The following SGCD variants were observed in gnomAD, a reference collection of about 807,000 sequenced individuals.
SGCD encodes sarcoglycan delta, also known as delta-sarcoglycan.
In SGCD, 18 loss-of-function variants were observed where a neutral mutation model predicts 36.6. The ratio of observed to expected loss-of-function variants is 0.49; its 90% CI spans 0.34 to 0.73. The LOEUF is 0.73. Ranked by LOEUF, SGCD falls within the 30% of genes least tolerant of loss-of-function variation. The pLI is 0.01. For missense variants in SGCD, 387 were observed against 346.7 expected, an observed-to-expected ratio of 1.12 and a Z score of -0.92; for synonymous variants, 133 against 130.6, an observed-to-expected ratio of 1.02 and a Z score of -0.12.
chr5:156,357,209 T>C (rs1769537602), intron 3 of SGCD, among the ~76,000 whole-genome samples: 1 of 152,148 alleles, frequency 6.6e-6, no homozygotes, highest in Non-Finnish European at 1.5e-5. Context: ...CCTGGCTTTG[T>C]TTTCTCTTAC....
At chr5:155,942,523 C>T (rs1757349762) in intron 1 of SGCD, among the ~76,000 whole-genome samples, 1 of 152,110 alleles carries the variant, frequency 6.6e-6, no homozygotes, top group Non-Finnish European at 1.5e-5. Context: ...CCCAATTCTT[C>T]ATATAAACTC....
At chr5:156,269,423 T>A (rs1167720736) in intron 3 of SGCD, among the ~76,000 whole-genome samples, 1 of 118,370 alleles carries the variant, frequency 8.4e-6, no homozygotes, top group African/African-American at 3.2e-5. Context: ...TGAGCCAAGA[T>A]CATGCCATTG....
intron 1 of SGCD, among the ~76,000 whole-genome samples, chr5:155,955,340 G>C (rs112943097): frequency 1.2e-3 from 187 of 152,248 alleles, no homozygotes; most frequent in Non-Finnish European, 2.1e-3. Context: ...GGCTGGACTA[G>C]AGTAAGTGCT....
intron 6 of SGCD, among the ~76,000 whole-genome samples, chr5:156,638,544 A>G (rs1762916387): frequency 6.6e-6 from 1 of 152,160 alleles, no homozygotes; most frequent in Non-Finnish European, 1.5e-5. Context: ...TGCCTATACT[A>G]TCCTTACCTA....
intron 3 of SGCD, among the ~76,000 whole-genome samples, chr5:156,381,736 A>G (rs372971889): frequency 1.3e-5 from 2 of 152,174 alleles, no homozygotes; most frequent in African/African-American, 4.8e-5. Flanking sequence ...GGTTTGGTAC[A>G]CAGCAGAAAG....
chr5:156,499,062 G>T (rs1055118274), intron 3 of SGCD, among the ~76,000 whole-genome samples: 1 of 152,050 alleles, frequency 6.6e-6, no homozygotes, highest in East Asian at 1.9e-4. Flanking sequence ...ACAGGGCTGG[G>T]CACACAGTAG....
At chr5:156,384,902 C>G (rs965936593) in intron 3 of SGCD, among the ~76,000 whole-genome samples, 29 of 152,136 alleles carry the variant, frequency 1.9e-4, no homozygotes, top group Admixed American at 1.9e-3. Flanking sequence ...CCAAGGTGAA[C>G]CTGCAGTTCT....
intron 1 of SGCD, among the ~76,000 whole-genome samples, chr5:156,103,355 C>A (rs1276463022): frequency 4.3e-5 from 2 of 46,868 alleles, no homozygotes; most frequent in East Asian, 5.8e-4. Flanking sequence ...TTTGACATTA[C>A]AAGACATTAC....
intron 1 of SGCD, among the ~76,000 whole-genome samples, chr5:155,879,926 A>T (rs898063895): frequency 6.6e-6 from 1 of 152,162 alleles, no homozygotes; most frequent in African/African-American, 2.4e-5. Flanking sequence ...CTTTATAGTA[A>T]GAAAGACAAA....
intron 6 of SGCD, among the ~76,000 whole-genome samples, chr5:156,636,703 G>C (rs1762837383): frequency 6.6e-6 from 1 of 152,176 alleles, no homozygotes; most frequent in Non-Finnish European, 1.5e-5. Flanking sequence ...GGAAAACCCA[G>C]CCCCACTCAG....
chr5:156,650,292 G>T (rs1385238174), intron 7 of SGCD, among the ~76,000 whole-genome samples: 1 of 152,086 alleles, frequency 6.6e-6, no homozygotes, highest in Non-Finnish European at 1.5e-5. Flanking sequence ...TTCTTCAAAA[G>T]TTATAGGTAT....
intron 4 of SGCD, among the ~76,000 whole-genome samples, chr5:156,585,132 T>C (rs1213610591): frequency 6.6e-6 from 1 of 152,152 alleles, no homozygotes; most frequent in African/African-American, 2.4e-5. Flanking sequence ...ATAGGAATGC[T>C]ACAATGGGAA....
chr5:156,146,085 C>T (rs6888987), intron 3 of SGCD, among the ~76,000 whole-genome samples: 4,363 of 151,984 alleles, frequency 0.029, 220 homozygotes, highest in African/African-American at 0.098. Context: ...TAGTTGTGGG[C>T]GCCTGTAGTC....
At chr5:156,476,128 GACA>G (rs1241728363) in intron 3 of SGCD, among the ~76,000 whole-genome samples, 1 of 152,124 alleles carries the variant, frequency 6.6e-6, no homozygotes, top group Non-Finnish European at 1.5e-5. Flanking sequence ...CCAAGAACTG[GACA>G]ACATCTAAGT....
At chr5:156,595,857 A>G (rs981466232) in intron 6 of SGCD, among the ~76,000 whole-genome samples, 1 of 152,204 alleles carries the variant, frequency 6.6e-6, no homozygotes, top group Non-Finnish European at 1.5e-5. Context: ...TATTTGCAGA[A>G]ATTTCTATGA....
chr5:156,257,504 T>C (rs1765745288), intron 3 of SGCD, among the ~76,000 whole-genome samples: 1 of 151,968 alleles, frequency 6.6e-6, no homozygotes, highest in African/African-American at 2.4e-5. Context: ...AATGAGACTT[T>C]ACCAATAGTG....
intron 1 of SGCD, among the ~76,000 whole-genome samples, chr5:155,934,867 G>T (rs190189084): frequency 2.6e-5 from 4 of 152,320 alleles, no homozygotes; most frequent in Admixed American, 2.6e-4. Flanking sequence ...CTAATGACAT[G>T]ACGAAGTTGG....
intron 1 of SGCD, among the ~76,000 whole-genome samples, chr5:155,928,951 T>A (rs1757048434): frequency 6.6e-6 from 1 of 152,164 alleles, no homozygotes. Context: ...ACTTTACATG[T>A]ATTTTTAATT....
At chr5:156,229,297 T>TATACACATATATATATATATATATAA (rs1554085621) in intron 3 of SGCD, among the ~76,000 whole-genome samples, 1,344 of 119,828 alleles carry the variant, frequency 0.011, 63 homozygotes, top group African/African-American at 0.031. Context: ...TATATATATA[T>TATACACATATATATATATATATATAA]ATAAAATTAG....
Sources: allele counts gnomAD v4.1 joint callset (sites outside exome capture counted in the v4.1 genomes callset), GRCh38; gene constraint gnomAD v4.1.1; transcripts MANE v1.5; gene names NCBI Gene and HGNC (gene_info 2026-07-23, HGNC 2026-07-21).